Variants in OSBPL5 observed in about 807,000 individuals in gnomAD.
The protein encoded by OSBPL5 is oxysterol binding protein like 5, also known as oxysterol-binding protein-related protein 5.
In OSBPL5, 71 loss-of-function variants were observed where a neutral mutation model predicts 111.2. The observed-to-expected ratio is 0.64, with a 90% CI of 0.53 to 0.78. OSBPL5 has a LOEUF of 0.78. OSBPL5 is among the 30% of genes least tolerant of loss of function. The pLI, the probability that OSBPL5 is intolerant of heterozygous loss-of-function variation, is 0.00. For synonymous variants in OSBPL5, 549 were observed against 513.9 expected, an observed-to-expected ratio of 1.07 and a Z score of -0.93; for missense variants, 1,210 against 1,189.3, an observed-to-expected ratio of 1.02 and a Z score of -0.26.
In OSBPL5 at chr11:3,126,768, G is replaced by T; in HGVS notation, c.137-213C>A. 2.2e-6 allele frequency: 1 copy of T among 463,786 alleles called. No homozygotes were observed. Among genetic ancestry groups the T allele is most frequent in the Non-Finnish European group, 3.9e-6 (1 of 257,686 alleles). 28.7% of individuals were successfully genotyped at this position (463,786 alleles called of 1,614,324 possible). On this transcript the variant is annotated intron_variant, in intron 2 of 21. Coordinates refer to ENST00000263650, the MANE Select transcript of OSBPL5 (RefSeq NM_020896.4). The surrounding 1 kb of genome is among the most constrained non-coding windows in gnomAD (Gnocchi z 6.5). ...GTGGGAGGAGTGTGCCAGGAGAACT[G>T]GCAGGGCCTCCAGGACCTACAGGGA...
At chr11:3,120,767 C>A in intron 5 of OSBPL5, 143 bp from the exon 6 acceptor site, 1 of 828,554 alleles carries the variant, frequency 1.2e-6, no homozygotes, top group South Asian at 1.6e-5. Flanking sequence ...CACACCAGTT[C>A]GGAACTCACC....
chr11:3,122,321 C>A (rs904330488), intron 4 of OSBPL5, 27 bp downstream of exon 4: 1 of 1,605,476 alleles, frequency 6.2e-7, no homozygotes, highest in African/African-American at 1.3e-5. Context: ...AGTGACACTG[C>A]TGCACCCTCC....
intron 3 of OSBPL5, among the ~76,000 whole-genome samples, chr11:3,124,675 G>C (rs1858539862): frequency 6.6e-6 from 1 of 152,144 alleles, no homozygotes; most frequent in African/African-American, 2.4e-5. Flanking sequence ...CAGGACTTTT[G>C]CAATACAACC....
Position 3,107,062 on chromosome 11 carries a change from A to AGCCG in OSBPL5, c.1059+200_1059+201insCGGC, listed in dbSNP as rs1447719188. ...CTGCATGCCAGCCAGCCAGCCAGCCAGCGGGGCAGCCTCTTTGGAAGACGG... is the reference window on the plus strand; with the variant it reads ...CTGCATGCCAGCCAGCCAGCCAGCCAGCCGGCGGGGCAGCCTCTTTGGAAGACGG... On this transcript the variant is annotated intron_variant, in intron 9 of 21. Transcript: ENST00000263650. The surrounding 1 kb of genome is among the most constrained non-coding windows in gnomAD (Gnocchi z 6.1). Among the ~76,000 whole-genome samples, 9 of 152,152 alleles carry AGCCG rather than the reference A, an allele frequency of 5.9e-5. No individual in the cohort carries two copies. The highest frequency in any genetic ancestry group is 1.9e-4 in the African/African-American group (8 of 41,426).
rs542940780 is a variant in OSBPL5 at position 3,121,436 on chromosome 11, C to T, written c.402+561G>A. ...TCACTTTTGCACCTAACTTTTGATT[C>T]ATCATTTTGGTATGCGGGTAGAAGG... On this transcript the variant is annotated intron_variant, in intron 5 of 21. Coordinates refer to ENST00000263650, the MANE Select transcript of OSBPL5 (RefSeq NM_020896.4). The surrounding 1 kb of genome is among the most constrained non-coding windows in gnomAD (Gnocchi z 4.3). 2.0e-5 allele frequency among the ~76,000 whole-genome samples: 3 copies of T among 152,208 alleles called. No homozygotes were observed. In the South Asian group the frequency reaches 6.2e-4, roughly 32 times the overall value.
chr11:3,146,368 C>T lies in OSBPL5; in HGVS notation c.-21-17199G>A, dbSNP rs55660041. ...GAGGGCAGACGAGGAGGGGAACTCA[C>T]GGGAAGGTAGGAAAGGGGTCTCGTT... On this transcript the variant is annotated intron_variant, in intron 1 of 21. Transcript: ENST00000263650. The surrounding 1 kb of genome is among the most constrained non-coding windows in gnomAD (Gnocchi z 7.8). 24,838 of 152,174 alleles carry T rather than the reference C, an allele frequency of 0.16. 2,254 individuals carry two copies. The highest frequency in any genetic ancestry group is 0.23 in the African/African-American group (9,613 of 41,414). The allele number at this position is 152,174 out of a possible 1,614,324, so 9.4% of individuals were successfully genotyped here. A position where few individuals can be genotyped will look rare whatever the true frequency, so the allele number is the denominator to read the frequency against.
At chr11:3,152,008 G>A (rs186274193) in intron 1 of OSBPL5, among the ~76,000 whole-genome samples, 84 of 152,364 alleles carry the variant, frequency 5.5e-4, no homozygotes, top group Middle Eastern at 3.4e-3. Context: ...AGCAGTACAG[G>A]TGGCCTTCAC....
At chr11:3,158,925 A>G (rs376199028) in intron 1 of OSBPL5, among the ~76,000 whole-genome samples, 23 of 152,256 alleles carry the variant, frequency 1.5e-4, no homozygotes, top group African/African-American at 5.1e-4. Flanking sequence ...CGTGTGCAGG[A>G]GCCTTAGCCC....
In OSBPL5 at chr11:3,154,042, A is replaced by C. The variant is rs1415069201; in HGVS notation, c.-22+11174T>G. Reference sequence around the variant, plus strand: ...AGGGCAGGCCCGCAGCCCCCAAGGAAGGTCTGTGCCCGGGAAACACATGGC... The same window carrying C: ...AGGGCAGGCCCGCAGCCCCCAAGGACGGTCTGTGCCCGGGAAACACATGGC... On this transcript the variant is annotated intron_variant, in intron 1 of 21. Transcript: ENST00000263650. This position sits in a 1 kb window ranked among gnomAD's most constrained non-coding sequence, Gnocchi z 4.9. Among the ~76,000 whole-genome samples the C allele has an allele frequency of 3.3e-5, 5 of 152,174 alleles. No individual in the cohort carries two copies. Among genetic ancestry groups the C allele is most frequent in the Admixed American group, 6.5e-5 (1 of 15,286 alleles).
rs35892904 is a variant in OSBPL5 at position 3,126,485 on chromosome 11, C to T, written c.207G>A (p.Thr69=). The T allele has an allele frequency of 2.9e-4, 461 of 1,609,038 alleles. 4 individuals carry two copies. The African/African-American group carries it at 5.4e-3, about 19-fold the overall frequency. Residue 69 remains threonine (T), a synonymous_variant, in exon 3 of 22, where the codon ACG becomes ACA. Transcript: ENST00000263650. This position sits in a 1 kb window ranked among gnomAD's most constrained non-coding sequence, Gnocchi z 6.5. Reference sequence around the variant, plus strand: ...CCCAGGCTCTTACCGGTGGCACCTTCGTGGCAGAGCTTGGGGTCGGGGGCC... The same window carrying T: ...CCCAGGCTCTTACCGGTGGCACCTTTGTGGCAGAGCTTGGGGTCGGGGGCC... The part of the protein sequence containing the change: ...DEGPPTPSSA[T]KVPPAEYRLC...
intron 1 of OSBPL5, among the ~76,000 whole-genome samples, chr11:3,159,338 C>T (rs1337008884): frequency 6.6e-6 from 1 of 152,234 alleles, no homozygotes; most frequent in African/African-American, 2.4e-5. Flanking sequence ...CACAGCACCC[C>T]AGCCTCAGGG....
chr11:3,131,883 A>ACCC (rs1340704313), intron 1 of OSBPL5, among the ~76,000 whole-genome samples: 1 of 133,950 alleles, frequency 7.5e-6, no homozygotes, highest in Non-Finnish European at 1.6e-5. Context: ...CCATCCACCC[A>ACCC]TCCACCCACC....
Position 3,133,535 on chromosome 11 carries a change from CG to C in OSBPL5, c.-21-4367del, listed in dbSNP as rs150424436. 4.4e-3 allele frequency among the ~76,000 whole-genome samples: 660 copies of C among 151,042 alleles called. 6 individuals carry two copies. The highest frequency in any genetic ancestry group is 7.0e-3 in the Non-Finnish European group (473 of 68,022). ...CTGAGGCCACCCAAGGTTGATGTGGCGGTCGCTCTCAGCGGCCTCCATGCCC... is the reference window on the plus strand; with the variant it reads ...CTGAGGCCACCCAAGGTTGATGTGGCGTCGCTCTCAGCGGCCTCCATGCCC... On this transcript the variant is annotated intron_variant, in intron 1 of 21. Transcript: ENST00000263650.
intron 1 of OSBPL5, among the ~76,000 whole-genome samples, chr11:3,160,285 A>G (rs566208971): frequency 3.5e-4 from 54 of 152,312 alleles, no homozygotes; most frequent in Non-Finnish European, 7.8e-4. Context: ...GCCCAGGACC[A>G]GGAGCTGCCC....
Position 3,160,592 on chromosome 11 carries a change from C to A in OSBPL5, c.-22+4624G>T, listed in dbSNP as rs561201432. On this transcript the variant is annotated intron_variant, in intron 1 of 21. Transcript: ENST00000263650. ...ATCCCGCTGGCTGCCAGGAAAGGGG[C>A]GCGGAGATGCGGATGCTCCGCCCCA... Among the ~76,000 whole-genome samples the A allele has an allele frequency of 1.2e-4, 19 of 152,288 alleles. No homozygotes were observed. The South Asian group carries it at 3.5e-3, about 28-fold the overall frequency.
rs1029110341 is a variant in OSBPL5 at position 3,109,929 on chromosome 11, A to G, written c.692-1984T>C. Among the ~76,000 whole-genome samples, 3 of 152,094 alleles carry G rather than the reference A, an allele frequency of 2.0e-5. No homozygotes were observed. Among genetic ancestry groups the G allele is most frequent in the African/African-American group, 7.2e-5 (3 of 41,432 alleles). On this transcript the variant is annotated intron_variant, in intron 7 of 21. Transcript: ENST00000263650. The surrounding 1 kb of genome is among the most constrained non-coding windows in gnomAD (Gnocchi z 7.4). ...GGGCTGCAGACACCTCTCCTCCCGA[A>G]TGGTGGCCCACACCCTATCAGGGGC...
chr11:3,121,640 C>T lies in OSBPL5; in HGVS notation c.402+357G>A, dbSNP rs923350169. Reference sequence around the variant, plus strand: ...AGGTCTGAACACAGGACACCCGGCCCTGATGTGGGGTCCTCTCCCAGAAGC... The same window carrying T: ...AGGTCTGAACACAGGACACCCGGCCTTGATGTGGGGTCCTCTCCCAGAAGC... On this transcript the variant is annotated intron_variant, in intron 5 of 21. Transcript: ENST00000263650. The surrounding 1 kb of genome is among the most constrained non-coding windows in gnomAD (Gnocchi z 4.3). Among the ~76,000 whole-genome samples, 21 of 152,186 alleles carry T rather than the reference C, an allele frequency of 1.4e-4. No homozygotes were observed. The highest frequency in any genetic ancestry group is 5.1e-4 in the African/African-American group (21 of 41,438).
intron 4 of OSBPL5, 78 bp from the exon 5 acceptor site, chr11:3,122,176 G>T: frequency 6.9e-7 from 1 of 1,452,168 alleles, no homozygotes; most frequent in Non-Finnish European, 9.3e-7. Context: ...CCAGCCCAGG[G>T]ATGGGTCCAG....
rs1450723863 is a variant in OSBPL5 at position 3,107,167 on chromosome 11, G to C, written c.1059+96C>G. The C allele has an allele frequency of 2.1e-6, 3 of 1,402,144 alleles. No homozygotes were observed. Among genetic ancestry groups the C allele is most frequent in the Non-Finnish European group, 2.9e-6 (3 of 1,037,260 alleles). The allele number at this position is 1,402,144 out of a possible 1,614,324, so 86.9% of individuals were successfully genotyped here. On this transcript the variant is annotated intron_variant, in intron 9 of 21. Coordinates refer to ENST00000263650, the MANE Select transcript of OSBPL5 (RefSeq NM_020896.4). This position sits in a 1 kb window ranked among gnomAD's most constrained non-coding sequence, Gnocchi z 6.1. ...ACAAAAGCTACCCCCTGGGCCCTGC[G>C]TGCTCCCCCTAGGATGAGGCATGGC...
Sources: gnomAD v4.1 joint callset for allele counts (sites outside exome capture counted in the v4.1 genomes callset) on GRCh38, gnomAD v4.1.1 for gene constraint, Gnocchi (gnomAD v3.1) non-coding constraint, MANE v1.5 for transcripts, NCBI Gene and HGNC (gene_info 2026-07-23, HGNC 2026-07-21) for gene names.